VPS50: variants seen among roughly 807,000 people sequenced by gnomAD.
VPS50 encodes VPS50 subunit of EARP/GARPII complex, also known as syndetin.
Under a neutral mutation model 139.7 loss-of-function variants are expected in VPS50, and 70 were observed. The observed-to-expected ratio is 0.50, with a 90% CI of 0.41 to 0.61. The LOEUF is 0.61. VPS50 is among the 20% of genes least tolerant of loss of function. The probability of loss-of-function intolerance (pLI) is 0.00; values close to 1 mark genes in which losing one functional copy is unlikely to be tolerated. For synonymous variants in VPS50, 365 were observed against 376.7 expected (o/e 0.97, Z 0.36); for missense variants, 921 against 1,133.7 (o/e 0.81, Z 2.69).
At chr7:93,270,912 CACAA>C (rs1795984810) in intron 9 of VPS50, among the ~76,000 whole-genome samples, 1 of 151,882 alleles carries the variant, frequency 6.6e-6, no homozygotes, top group African/African-American at 2.4e-5. Context: ...CTGTTAAACA[CACAA>C]ACATTGTTTA....
intron 20 of VPS50, among the ~76,000 whole-genome samples, chr7:93,312,978 G>T (rs543912769): frequency 6.6e-6 from 1 of 152,174 alleles, no homozygotes; most frequent in East Asian, 1.9e-4. Context: ...GCAACTGTTG[G>T]TGCATCAAGA....
chr7:93,272,417 CAT>C (rs1264232250), intron 10 of VPS50, among the ~76,000 whole-genome samples: 1 of 151,850 alleles, frequency 6.6e-6, no homozygotes, highest in Non-Finnish European at 1.5e-5. Flanking sequence ...TAGAAATTCA[CAT>C]GTTAATATCT....
At chr7:93,250,377 C>T (rs111711802) in intron 2 of VPS50, among the ~76,000 whole-genome samples, 1 of 152,056 alleles carries the variant, frequency 6.6e-6, no homozygotes, top group Non-Finnish European at 1.5e-5. Flanking sequence ...ATAAAATAAT[C>T]TAGAATGTCT....
In VPS50 at chr7:93,306,012, G is replaced by A; in HGVS notation, c.1629+8G>A. On this transcript the variant is annotated splice_region_variant and intron_variant, in intron 18 of 27. Coordinates refer to ENST00000305866, the MANE Select transcript of VPS50 (RefSeq NM_017667.4). ...GTCTTAGCTTCTAATGGGGTATGTG[G>A]TGTATGTGAAACATAAGTGAGTTTT... 1.2e-6 allele frequency: 2 copies of A among 1,602,478 alleles called. No homozygotes were observed. Among genetic ancestry groups the A allele is most frequent in the Non-Finnish European group, 1.7e-6 (2 of 1,171,920 alleles).
intron 22 of VPS50, among the ~76,000 whole-genome samples, chr7:93,339,179 A>G (rs1798145000): frequency 6.6e-6 from 1 of 151,544 alleles, no homozygotes; most frequent in Non-Finnish European, 1.5e-5. Flanking sequence ...GAGGGAAATG[A>G]ATGATGGAGA....
At chr7:93,275,720 A>C (rs1346891482) in intron 11 of VPS50, 1 of 155,638 alleles carries the variant, frequency 6.4e-6, no homozygotes, top group African/African-American at 2.4e-5. Context: ...AAGAAATATA[A>C]ATCAGAGTAT....
At chr7:93,290,033 C>T (rs1023762055) in intron 12 of VPS50, among the ~76,000 whole-genome samples, 11 of 151,870 alleles carry the variant, frequency 7.2e-5, no homozygotes, top group African/African-American at 1.9e-4. Context: ...TAAAAATTCT[C>T]TCTTGTTATT....
chr7:93,303,603 CT>C (rs1039756408), intron 17 of VPS50, 53 bp downstream of exon 17: 268 of 736,376 alleles, frequency 3.6e-4, no homozygotes, highest in South Asian at 2.3e-3. Flanking sequence ...GTATTTTACC[CT>C]TTTTTTTGAA....
chr7:93,236,534 G>A (rs1413426918), intron 1 of VPS50, among the ~76,000 whole-genome samples: 2 of 152,166 alleles, frequency 1.3e-5, no homozygotes, highest in African/African-American at 4.8e-5. Context: ...AATTTATGCT[G>A]AATTTTCTAT....
At chr7:93,348,412 C>T (rs1271190461) in intron 23 of VPS50, among the ~76,000 whole-genome samples, 1 of 152,182 alleles carries the variant, frequency 6.6e-6, no homozygotes, top group Non-Finnish European at 1.5e-5. Context: ...CAACCTGCTA[C>T]TCTGGGCTCA....
chr7:93,305,419 T>C (rs1235490032), intron 17 of VPS50, among the ~76,000 whole-genome samples: 1 of 151,958 alleles, frequency 6.6e-6, no homozygotes, highest in Non-Finnish European at 1.5e-5. Context: ...CAGAATATCT[T>C]AAGTGGTGCA....
intron 3 of VPS50, 115 bp from the exon 4 acceptor site, chr7:93,253,745 T>A (rs2116825299): frequency 1.0e-5 from 6 of 579,194 alleles, no homozygotes; most frequent in Middle Eastern, 2.7e-4. Context: ...GGCAGTGGGA[T>A]GTGACACTGT....
chr7:93,289,084 G>A (rs1796575323), intron 12 of VPS50, among the ~76,000 whole-genome samples: 1 of 152,052 alleles, frequency 6.6e-6, no homozygotes, highest in South Asian at 2.1e-4. Context: ...TCTGTTAGGT[G>A]TTTCATCCAA....
At chr7:93,282,107 G>A (rs1796346846) in intron 12 of VPS50, among the ~76,000 whole-genome samples, 1 of 152,000 alleles carries the variant, frequency 6.6e-6, no homozygotes. Context: ...GGGAGGCTGA[G>A]GCAGGAGAAT....
intron 27 of VPS50, among the ~76,000 whole-genome samples, chr7:93,356,797 A>G (rs973323985): frequency 6.6e-6 from 1 of 152,128 alleles, no homozygotes; most frequent in African/African-American, 2.4e-5. Flanking sequence ...ACATTTTCTT[A>G]ACCTATGAAT....
chr7:93,248,401 G>A (rs1220279966), intron 2 of VPS50, among the ~76,000 whole-genome samples: 1 of 151,988 alleles, frequency 6.6e-6, no homozygotes, highest in Non-Finnish European at 1.5e-5. Context: ...TAGGGAATCA[G>A]TTTCTATTAA....
chr7:93,238,305 T>G (rs907408215), intron 1 of VPS50, among the ~76,000 whole-genome samples: 1 of 152,070 alleles, frequency 6.6e-6, no homozygotes, highest in Non-Finnish European at 1.5e-5. Context: ...GGCCTTTTTT[T>G]TTTTTCCAGC....
At chr7:93,263,006 G>A (rs180863013) in intron 9 of VPS50, among the ~76,000 whole-genome samples, 94 of 152,176 alleles carry the variant, frequency 6.2e-4, no homozygotes, top group Non-Finnish European at 9.9e-4. Context: ...TTTTATTTTT[G>A]TCTTTATAAA....
chr7:93,275,026 G>T (rs1796113039), intron 11 of VPS50, among the ~76,000 whole-genome samples: 1 of 152,110 alleles, frequency 6.6e-6, no homozygotes, highest in Admixed American at 6.6e-5. Flanking sequence ...CTGCAGATGT[G>T]GTAGAAACAG....
Sources: gnomAD v4.1 joint callset for allele counts (sites outside exome capture counted in the v4.1 genomes callset) on GRCh38, gnomAD v4.1.1 for gene constraint, MANE v1.5 for transcripts, NCBI Gene and HGNC (gene_info 2026-07-23, HGNC 2026-07-21) for gene names.